The following RBFOX1 variants were observed in gnomAD, a reference collection of about 807,000 sequenced individuals.
The protein encoded by RBFOX1 is RNA binding protein fox-1 homolog 1.
A neutral mutation model predicts 57.7 loss-of-function variants in RBFOX1; 8 were observed. The ratio of observed to expected loss-of-function variants is 0.14; its 90% confidence interval spans 0.08 to 0.25. The LOEUF (loss-of-function observed/expected upper bound fraction) is 0.25. RBFOX1 is among the 10% of genes least tolerant of loss of function. The pLI, the probability that RBFOX1 is intolerant of heterozygous loss-of-function variation, is 1.00. For missense variants in RBFOX1, 611 were observed against 548.5 expected, an observed-to-expected ratio of 1.11 and a Z score of -1.14; for synonymous variants, 326 against 222.4, an observed-to-expected ratio of 1.47 and a Z score of -4.15.
chr16:7,082,497 G>C (rs567652590), intron 4 of RBFOX1, among the ~76,000 whole-genome samples: 3 of 151,514 alleles, frequency 2.0e-5, no homozygotes, highest in African/African-American at 7.3e-5. Context: ...TGGGAGGATC[G>C]CTTGAGCCTG....
intron 4 of RBFOX1, among the ~76,000 whole-genome samples, chr16:7,452,661 A>G (rs1372460082): frequency 1.3e-5 from 2 of 152,210 alleles, no homozygotes; most frequent in Non-Finnish European, 2.9e-5. Flanking sequence ...AAAAAGATGT[A>G]TAGGCTCAGA....
intron 4 of RBFOX1, among the ~76,000 whole-genome samples, chr16:7,483,741 G>A (rs921310953): frequency 1.3e-5 from 2 of 152,212 alleles, no homozygotes; most frequent in Non-Finnish European, 1.5e-5. Context: ...GGTTACTGGG[G>A]CTGTATGGCT....
chr16:6,388,869 C>G (rs1567174129), intron 2 of RBFOX1, among the ~76,000 whole-genome samples: 1 of 152,168 alleles, frequency 6.6e-6, no homozygotes, highest in Non-Finnish European at 1.5e-5. Context: ...TATGTGGAAT[C>G]TAAAAAAAGT....
chr16:5,657,732 C>CTTTTT lies in RBFOX1; in HGVS notation c.318+58775_318+58776insTTTTT, dbSNP rs71386513. ...TTTCTCTCTTTCTTTTGTTTCTTTT[C>CTTTTT]TTTTCTTTTTTTTTTTTTGAGACAG... On this transcript the variant is annotated intron_variant, in intron 3 of 19. Coordinates refer to the RBFOX1 transcript ENST00000641259. Among the ~76,000 whole-genome samples, 26 of 98,348 alleles carry CTTTTT rather than the reference C, an allele frequency of 2.6e-4. 11 individuals carry two copies. Among genetic ancestry groups the CTTTTT allele is most frequent in the Admixed American group, 7.3e-4 (6 of 8,232 alleles). 64.5% of individuals were successfully genotyped at this position (98,348 alleles called of 152,430 possible). A position where few individuals can be genotyped will look rare whatever the true frequency, so the allele number is the denominator to read the frequency against.
intron 3 of RBFOX1, among the ~76,000 whole-genome samples, chr16:6,923,176 C>G (rs987818371): frequency 1.3e-5 from 2 of 152,122 alleles, no homozygotes; most frequent in African/African-American, 4.8e-5. Context: ...ATACCCTGGT[C>G]CCTGCTCCTG....
At chr16:7,080,533 A>T (rs2059028009) in intron 4 of RBFOX1, among the ~76,000 whole-genome samples, 1 of 152,066 alleles carries the variant, frequency 6.6e-6, no homozygotes, top group Non-Finnish European at 1.5e-5. Context: ...GCAGATCACC[A>T]TCCCTGTAGT....
intron 4 of RBFOX1, among the ~76,000 whole-genome samples, chr16:6,009,113 T>G (rs74320726): frequency 1.3e-5 from 2 of 152,086 alleles, no homozygotes; most frequent in African/African-American, 4.8e-5. Flanking sequence ...TTTTTTTTTT[T>G]TCTTCTCCAT....
At chr16:6,852,988 A>G (rs188710652) in intron 3 of RBFOX1, among the ~76,000 whole-genome samples, 15 of 152,288 alleles carry the variant, frequency 9.8e-5, no homozygotes, top group Admixed American at 3.3e-4. Flanking sequence ...CCAGCACCCT[A>G]TGGATGGACA....
chr16:7,544,896 C>G (rs1205421798), intron 5 of RBFOX1, among the ~76,000 whole-genome samples: 1 of 152,154 alleles, frequency 6.6e-6, no homozygotes, highest in Non-Finnish European at 1.5e-5. Context: ...CAGCACCATA[C>G]TGCATTTTGT....
intron 4 of RBFOX1, among the ~76,000 whole-genome samples, chr16:7,275,319 A>G (rs576199757): frequency 1.3e-5 from 2 of 152,320 alleles, no homozygotes; most frequent in East Asian, 3.9e-4. Flanking sequence ...ATAATATTCA[A>G]ATGTGTTAAT....
At chr16:6,143,983 C>A (rs112589984) in intron 1 of RBFOX1, among the ~76,000 whole-genome samples, 6,643 of 120,714 alleles carry the variant, frequency 0.055, 230 homozygotes, top group African/African-American at 0.13. Flanking sequence ...ATATATATAT[C>A]TCTACCTACC....
intron 3 of RBFOX1, among the ~76,000 whole-genome samples, chr16:7,018,686 T>G (rs1389160677): frequency 1.3e-5 from 2 of 152,000 alleles, no homozygotes; most frequent in Non-Finnish European, 2.9e-5. Context: ...ATATACCTAA[T>G]GTAAATGACA....
intron 1 of RBFOX1, among the ~76,000 whole-genome samples, chr16:5,399,937 A>G (rs1018369743): frequency 1.3e-5 from 2 of 152,032 alleles, no homozygotes; most frequent in African/African-American, 4.8e-5. Context: ...CGTGAACCCA[A>G]CAACCCAAGC....
intron 1 of RBFOX1, among the ~76,000 whole-genome samples, chr16:6,151,897 C>A (rs1436262015): frequency 1.3e-5 from 2 of 152,150 alleles, no homozygotes; most frequent in Non-Finnish European, 2.9e-5. Context: ...CCTTGAAGAG[C>A]ATTACTAAGA....
At chr16:6,516,260 C>A (rs959013727) in intron 2 of RBFOX1, among the ~76,000 whole-genome samples, 2 of 152,158 alleles carry the variant, frequency 1.3e-5, no homozygotes, top group African/African-American at 4.8e-5. Context: ...AACTCCTGAC[C>A]TCAGGTGAGA....
At chr16:6,143,045 A>C (rs1470350542) in intron 1 of RBFOX1, among the ~76,000 whole-genome samples, 1 of 152,198 alleles carries the variant, frequency 6.6e-6, no homozygotes, top group Non-Finnish European at 1.5e-5. Flanking sequence ...AATATTTGTT[A>C]AGTGCATGAG....
intron 14 of RBFOX1, among the ~76,000 whole-genome samples, chr16:7,704,249 C>G (rs117192841): frequency 0.024 from 3,633 of 152,306 alleles, 65 homozygotes; most frequent in Non-Finnish European, 0.038. Flanking sequence ...GATGAGGTCT[C>G]ATGATGGTTG....
chr16:6,894,971 C>G (rs1488400215), intron 3 of RBFOX1, among the ~76,000 whole-genome samples: 1 of 152,098 alleles, frequency 6.6e-6, no homozygotes, highest in Admixed American at 6.6e-5. Context: ...TACACCCTTC[C>G]AGAACTAACA....
At chr16:5,322,329 C>T (rs963653989) in intron 1 of RBFOX1, among the ~76,000 whole-genome samples, 1 of 152,160 alleles carries the variant, frequency 6.6e-6, no homozygotes, top group Non-Finnish European at 1.5e-5. Context: ...CCTGCCTGCT[C>T]CTGGGGCTGG....
Sources: gnomAD v4.1 joint callset for allele counts (sites outside exome capture counted in the v4.1 genomes callset) on GRCh38, gnomAD v4.1.1 for gene constraint, MANE v1.5 for transcripts, NCBI Gene and HGNC (gene_info 2026-07-23, HGNC 2026-07-21) for gene names.